Variants in ADGRL2 observed in about 807,000 individuals in gnomAD.
The protein encoded by ADGRL2 is calcium-independent alpha-latrotoxin receptor 2.
Under a neutral mutation model 157.4 loss-of-function variants are expected in ADGRL2, and 44 were observed. That is an observed-to-expected ratio of 0.28 (90% CI 0.22 to 0.36). The LOEUF (loss-of-function observed/expected upper bound fraction) is 0.36. Among genes scored for constraint, ADGRL2 ranks in the 10% least tolerant of loss-of-function variants. ADGRL2 has a pLI of 1.00. For synonymous variants in ADGRL2, 585 were observed against 624.7 expected (o/e 0.94, Z 0.95); for missense variants, 1,510 against 1,768.9 (o/e 0.85, Z 2.63).
intron 3 of ADGRL2, among the ~76,000 whole-genome samples, chr1:81,658,111 G>A (rs2082574088): frequency 6.6e-6 from 1 of 151,974 alleles, no homozygotes; most frequent in Non-Finnish European, 1.5e-5. Flanking sequence ...TTTTTTGCGG[G>A]GAGGGATGGA....
At chr1:81,772,116 G>A (rs1363657168) in intron 2 of ADGRL2, among the ~76,000 whole-genome samples, 1 of 151,920 alleles carries the variant, frequency 6.6e-6, no homozygotes, top group Admixed American at 6.6e-5. Context: ...TGGGCATAGT[G>A]GCGGGCACCT....
intron 2 of ADGRL2, among the ~76,000 whole-genome samples, chr1:81,517,515 A>G (rs756076760): frequency 1.1e-3 from 163 of 149,126 alleles, no homozygotes; most frequent in South Asian, 3.4e-3. Flanking sequence ...GATCCTTCGG[A>G]TTAATGTATC....
intron 2 of ADGRL2, among the ~76,000 whole-genome samples, chr1:81,793,438 A>T (rs746489504): frequency 3.9e-5 from 6 of 152,142 alleles, no homozygotes; most frequent in Non-Finnish European, 5.9e-5. Context: ...AGTTCTATGT[A>T]AATCATAAAT....
At chr1:81,447,080 A>C (rs186551450) in intron 2 of ADGRL2, among the ~76,000 whole-genome samples, 1 of 152,264 alleles carries the variant, frequency 6.6e-6, no homozygotes, top group African/African-American at 2.4e-5. Flanking sequence ...CATAAATTTT[A>C]CTATTAAAAT....
intron 1 of ADGRL2, among the ~76,000 whole-genome samples, chr1:81,442,862 A>G (rs569372452): frequency 5.9e-5 from 9 of 152,352 alleles, no homozygotes; most frequent in Middle Eastern, 3.4e-3. Context: ...TCTGCTGGAT[A>G]GCAAAGGCTA....
At chr1:81,958,068 C>A (rs1654141485) in intron 11 of ADGRL2, among the ~76,000 whole-genome samples, 1 of 151,896 alleles carries the variant, frequency 6.6e-6, no homozygotes, top group African/African-American at 2.4e-5. Flanking sequence ...CCAGCCTGCC[C>A]AACATAGCCA....
chr1:81,956,216 A>G (rs1037870042), intron 11 of ADGRL2, among the ~76,000 whole-genome samples, 156 bp downstream of exon 11: 5 of 152,132 alleles, frequency 3.3e-5, no homozygotes, highest in African/African-American at 1.2e-4. Flanking sequence ...GACCACACTT[A>G]CTAAAATTCA....
rs147629515 is a variant in ADGRL2 at position 81,364,553 on chromosome 1, T to C, written c.-302+58044T>C. Among the ~76,000 whole-genome samples, 478 of 152,202 alleles carry C rather than the reference T, an allele frequency of 3.1e-3. 1 individual carries two copies. The highest frequency in any genetic ancestry group is 0.014 in the Middle Eastern group (4 of 294). On this transcript the variant is annotated intron_variant, in intron 1 of 24. Coordinates refer to the ADGRL2 transcript ENST00000370721. ...AAGGTTAAAACTGCACACTTTACTA[T>C]GAAAATTACTGTGAAAAAGAGGGAG...
rs527979000 is a variant in ADGRL2 at position 81,909,669 on chromosome 1, A to G, written c.287+2439A>G. ...ATCTTCAAATAGTATACAGATAGTT[A>G]AGGTAAACATATTCTGATTAGGTTC... On this transcript the variant is annotated intron_variant, in intron 3 of 23. Transcript: ENST00000686636. 8.4e-4 allele frequency among the ~76,000 whole-genome samples: 128 copies of G among 152,264 alleles called. 1 individual carries two copies. Among genetic ancestry groups the G allele is most frequent in the African/African-American group, 3.0e-3 (123 of 41,564 alleles).
At chr1:81,900,235 T>C (rs1028438588) in intron 2 of ADGRL2, among the ~76,000 whole-genome samples, 41 of 152,244 alleles carry the variant, frequency 2.7e-4, no homozygotes, top group African/African-American at 9.9e-4. Flanking sequence ...AAATTAGAAT[T>C]GTCAACAACA....
At chr1:81,313,649 A>G (rs912775608) in intron 1 of ADGRL2, among the ~76,000 whole-genome samples, 1 of 152,212 alleles carries the variant, frequency 6.6e-6, no homozygotes, top group Non-Finnish European at 1.5e-5. Flanking sequence ...TCAGACAAAT[A>G]TAAAATTCAT....
intron 1 of ADGRL2, among the ~76,000 whole-genome samples, chr1:81,414,626 A>G (rs76833103): frequency 1.3e-5 from 2 of 152,136 alleles, no homozygotes; most frequent in Non-Finnish European, 2.9e-5. Flanking sequence ...CTCTGAGTCC[A>G]TGTGAACGAT....
chr1:81,342,227 C>G (rs1332025204), intron 1 of ADGRL2, among the ~76,000 whole-genome samples: 1 of 152,084 alleles, frequency 6.6e-6, no homozygotes, highest in African/African-American at 2.4e-5. Context: ...TCATAAATGC[C>G]CAAATGAATC....
intron 3 of ADGRL2, among the ~76,000 whole-genome samples, chr1:81,936,223 G>T (rs766649861): frequency 6.6e-5 from 10 of 151,798 alleles, no homozygotes; most frequent in Non-Finnish European, 1.3e-4. Context: ...CACCCAACTG[G>T]ATTTAGAGGA....
intron 3 of ADGRL2, among the ~76,000 whole-genome samples, chr1:81,630,450 T>A (rs1024320756): frequency 1.3e-5 from 2 of 152,200 alleles, no homozygotes; most frequent in Non-Finnish European, 2.9e-5. Context: ...TCATAGAGAT[T>A]ATAGTTTACT....
At chr1:81,497,880 A>G (rs1465708967) in intron 2 of ADGRL2, among the ~76,000 whole-genome samples, 1 of 152,244 alleles carries the variant, frequency 6.6e-6, no homozygotes, top group Non-Finnish European at 1.5e-5. Flanking sequence ...TAAAGCATAC[A>G]ATAGATCACT....
intron 2 of ADGRL2, among the ~76,000 whole-genome samples, chr1:81,882,569 A>G (rs2094015455): frequency 6.6e-6 from 1 of 152,178 alleles, no homozygotes; most frequent in African/African-American, 2.4e-5. Flanking sequence ...TATCCATGAC[A>G]TATTTCAAAC....
chr1:81,872,883 A>C (rs1453695460), intron 2 of ADGRL2, among the ~76,000 whole-genome samples: 1 of 152,114 alleles, frequency 6.6e-6, no homozygotes, highest in Non-Finnish European at 1.5e-5. Context: ...TGTGTGCAAA[A>C]ATAAGTAAAG....
At chr1:81,568,397 T>C (rs1399020436) in intron 2 of ADGRL2, among the ~76,000 whole-genome samples, 1 of 152,154 alleles carries the variant, frequency 6.6e-6, no homozygotes, top group Non-Finnish European at 1.5e-5. Flanking sequence ...ATTAATCCCA[T>C]CTAGCTTTTC....
Sources: gnomAD v4.1 joint callset for allele counts (sites outside exome capture counted in the v4.1 genomes callset) on GRCh38, gnomAD v4.1.1 for gene constraint, MANE v1.5 for transcripts, NCBI Gene and HGNC (gene_info 2026-07-23, HGNC 2026-07-21) for gene names.